The following HEATR5A variants were observed in gnomAD, a reference collection of about 807,000 sequenced individuals.
HEATR5A encodes HEAT repeat-containing protein 5A.
Under a neutral mutation model 218.8 loss-of-function variants are expected in HEATR5A, and 178 were observed. That is an observed-to-expected ratio of 0.81 (90% CI 0.72 to 0.92). The LOEUF is 0.92. Ranked by LOEUF, HEATR5A falls within the 40% of genes least tolerant of loss-of-function variation. HEATR5A has a pLI of 0.00. For synonymous variants in HEATR5A, 864 were observed against 871.6 expected, an observed-to-expected ratio of 0.99 and a Z score of 0.15; for missense variants, 2,420 against 2,418.9, an observed-to-expected ratio of 1.00 and a Z score of -0.01.
intron 14 of HEATR5A, 127 bp downstream of exon 14, chr14:31,364,062 T>A (rs1351284519): frequency 3.7e-6 from 2 of 543,306 alleles, no homozygotes; most frequent in Non-Finnish European, 6.6e-6. Flanking sequence ...TCCCTAAACC[T>A]CCTAGAAACA....
intron 28 of HEATR5A, among the ~76,000 whole-genome samples, chr14:31,310,857 T>A (rs1405316719): frequency 1.3e-5 from 2 of 152,128 alleles, no homozygotes; most frequent in East Asian, 3.9e-4. Flanking sequence ...ATGAAAATTC[T>A]AATAGAACTA....
intron 19 of HEATR5A, among the ~76,000 whole-genome samples, chr14:31,347,410 C>T (rs1270116860): frequency 1.3e-5 from 2 of 152,086 alleles, no homozygotes; most frequent in African/African-American, 4.8e-5. Context: ...CAGTGTTTTA[C>T]CATGTTGCCC....
intron 7 of HEATR5A, 60 bp downstream of exon 7, chr14:31,388,785 C>T (rs927075666): frequency 1.6e-5 from 23 of 1,395,472 alleles, no homozygotes; most frequent in Non-Finnish European, 3.0e-6. Context: ...GAGTCAGATA[C>T]TAAAACTTTC....
rs376713188 is a variant in HEATR5A at position 31,387,236 on chromosome 14, C to T, written c.1073G>A (p.Arg358His). The change falls in exon 8 of 36, where the codon CGC (arginine) becomes CAC (histidine). Residue 358 changes from arginine (R) to histidine (H), a missense_variant. Arg to His is a conservative substitution (Grantham distance 29). Coordinates refer to ENST00000543095, the MANE Select transcript of HEATR5A (RefSeq NM_015473.4). The part of the protein sequence containing the change: ...TQTQIDAVCC[R>H]RCVSFILRTT... ...TCGAAGAATAAATGAAACACAACGGCGACAGCAGACGGCATCGATCTGAGT... is the reference window on the plus strand; with the variant it reads ...TCGAAGAATAAATGAAACACAACGGTGACAGCAGACGGCATCGATCTGAGT... 7.9e-5 allele frequency: 128 copies of T among 1,613,728 alleles called. No homozygotes were observed. Among genetic ancestry groups the T allele is most frequent in the Admixed American group, 3.0e-4 (18 of 59,958 alleles).
At chr14:31,342,692 T>A (rs180824732) in intron 21 of HEATR5A, among the ~76,000 whole-genome samples, 13 of 152,322 alleles carry the variant, frequency 8.5e-5, no homozygotes, top group African/African-American at 3.1e-4. Context: ...AAATGAGGAC[T>A]GAAGGAGGAG....
chr14:31,321,565 C>T lies in HEATR5A; in HGVS notation c.3903G>A (p.Arg1301=), dbSNP rs771563574. The change falls in exon 25 of 36, where the codon CGG becomes CGA. Residue 1301 remains arginine (R), a synonymous_variant. Transcript: ENST00000543095. ...SGLEMLLVVI[R]RFATVPEPEF... ...CTGGTTCTGGAACAGTTGCAAATCG[C>T]CGAATAACAACTAACAGCATTTCAA... 1 of 1,606,848 alleles carries T rather than the reference C, an allele frequency of 6.2e-7. No homozygotes were observed. Among genetic ancestry groups the T allele is most frequent in the East Asian group, 2.2e-5 (1 of 44,734 alleles).
At chr14:31,412,028 G>C (rs2031291812) in intron 1 of HEATR5A, among the ~76,000 whole-genome samples, 1 of 151,840 alleles carries the variant, frequency 6.6e-6, no homozygotes. Flanking sequence ...GCTAATTTTT[G>C]TATTTTTAGT....
Position 31,293,514 on chromosome 14 carries a change from C to T in HEATR5A, c.5932G>A (p.Asp1978Asn). Residue 1978 changes from aspartate (D) to asparagine (N), a missense_variant, in exon 36 of 36, where the codon GAC (aspartate) becomes AAC (asparagine). Physicochemically the swap from Asp to Asn is conservative, Grantham distance 23. Transcript: ENST00000543095. ...TGCATGAGATTTTGTAGAGCAAAGT[C>T]ATGTAAATTTCTCATTATGGAAGTT... ...SATSIMRNLHDFALQNLMQIG... is the reference protein window; with the variant it reads ...SATSIMRNLHNFALQNLMQIG... 6.2e-7 allele frequency: 1 copy of T among 1,613,796 alleles called. No individual in the cohort carries two copies. Among genetic ancestry groups the T allele is most frequent in the South Asian group, 1.1e-5 (1 of 91,056 alleles).
intron 1 of HEATR5A, among the ~76,000 whole-genome samples, chr14:31,407,938 A>G (rs772261519): frequency 1.3e-5 from 2 of 152,128 alleles, no homozygotes; most frequent in Admixed American, 6.6e-5. Context: ...CTATTAATGT[A>G]TTTTTAAAAG....
intron 19 of HEATR5A, among the ~76,000 whole-genome samples, chr14:31,346,135 G>C (rs1901013786): frequency 6.6e-6 from 1 of 152,164 alleles, no homozygotes; most frequent in African/African-American, 2.4e-5. Context: ...AAAGCTTACA[G>C]TACTTTAAAT....
At chr14:31,307,776 T>C (rs950405430) in intron 30 of HEATR5A, 117 bp downstream of exon 30, 2 of 1,137,056 alleles carry the variant, frequency 1.8e-6, no homozygotes, top group South Asian at 3.2e-5. Flanking sequence ...TGTGAGGCTG[T>C]ATGGTTTAGA....
chr14:31,330,388 G>A (rs1900423157), intron 22 of HEATR5A, among the ~76,000 whole-genome samples: 1 of 152,150 alleles, frequency 6.6e-6, no homozygotes, highest in Admixed American at 6.5e-5. Flanking sequence ...CGGGGACCCT[G>A]GGTCTGACCC....
At chr14:31,320,663 G>A in intron 25 of HEATR5A, 1 of 582,322 alleles carries the variant, frequency 1.7e-6, no homozygotes. Context: ...TTAGCCCTTG[G>A]TCTCAGCACT....
chr14:31,295,812 A>T, intron 34 of HEATR5A, 97 bp downstream of exon 34: 2 of 919,916 alleles, frequency 2.2e-6, no homozygotes, highest in Non-Finnish European at 3.4e-6. Context: ...ATTGTAGTCT[A>T]ATACTTCCTA....
intron 16 of HEATR5A, among the ~76,000 whole-genome samples, chr14:31,353,955 C>T (rs1455033503): frequency 6.6e-6 from 1 of 151,994 alleles, no homozygotes; most frequent in Admixed American, 6.6e-5. Flanking sequence ...GCCCACACTA[C>T]ACCTGGCTAA....
intron 13 of HEATR5A, among the ~76,000 whole-genome samples, chr14:31,366,474 T>C (rs1375706688): frequency 6.6e-6 from 1 of 152,176 alleles, no homozygotes; most frequent in Non-Finnish European, 1.5e-5. Context: ...TTAACTATAA[T>C]AAAATTTAGT....
chr14:31,402,745 A>G (rs917353270), intron 2 of HEATR5A, 105 bp downstream of exon 2: 15 of 1,066,110 alleles, frequency 1.4e-5, no homozygotes, highest in Admixed American at 1.3e-4. Context: ...AAAGTCTAAC[A>G]TTGTAAAGCT....
rs992760905 is a variant in HEATR5A, at chr14:31,321,991, T to C, written c.3788-311A>G. Among the ~76,000 whole-genome samples the C allele has an allele frequency of 3.9e-5, 6 of 152,136 alleles. 1 individual carries two copies. The highest frequency in any genetic ancestry group is 4.1e-4 in the South Asian group (2 of 4,826). ...AGCTTTTATGATAAAAGTACATTAG[T>C]TGGTATGGAGGAGACTTTGGGCTTT... On this transcript the variant is annotated intron_variant, in intron 24 of 35. Coordinates refer to ENST00000543095, the MANE Select transcript of HEATR5A (RefSeq NM_015473.4).
intron 20 of HEATR5A, among the ~76,000 whole-genome samples, chr14:31,344,268 C>CTTTTGTTTTTTTTTTT (rs1900942531): frequency 2.0e-5 from 1 of 50,812 alleles, no homozygotes; most frequent in Non-Finnish European, 3.7e-5. Context: ...ATTAGTTATT[C>CTTTTGTTTTTTTTTTT]TTTTTTTTTT....
Sources: gnomAD v4.1 joint callset for allele counts (sites outside exome capture counted in the v4.1 genomes callset) on GRCh38, gnomAD v4.1.1 for gene constraint, MANE v1.5 for transcripts, NCBI Gene and HGNC (gene_info 2026-07-23, HGNC 2026-07-21) for gene names.